The following ARID1A variants were observed in gnomAD, a reference collection of about 807,000 sequenced individuals.
The protein encoded by ARID1A is AT-rich interactive domain-containing protein 1A.
In ARID1A, 20 loss-of-function variants were observed where a neutral mutation model predicts 212.6. The ratio of observed to expected loss-of-function variants is 0.09; its 90% CI spans 0.07 to 0.14. The LOEUF (loss-of-function observed/expected upper bound fraction) is 0.14. Among genes scored for constraint, ARID1A ranks in the 10% least tolerant of loss-of-function variants. The pLI is 1.00. For missense variants in ARID1A, 2,587 were observed against 3,059.0 expected (o/e 0.85, Z 3.64); for synonymous variants, 1,376 against 1,222.1 (o/e 1.13, Z -2.63).
rs2124144943 is a variant in ARID1A at position 26,779,905 on chromosome 1, A to C, written c.6007A>C (p.Lys2003Gln). The C allele has an allele frequency of 6.2e-7, 1 of 1,614,140 alleles. No homozygotes were observed. The highest frequency in any genetic ancestry group is 8.5e-7 in the Non-Finnish European group (1 of 1,179,998). Residue 2003 changes from lysine (K) to glutamine (Q), a missense_variant, in exon 20 of 20, where the codon AAA becomes CAA. Coordinates refer to ENST00000324856, the MANE Select transcript of ARID1A (RefSeq NM_006015.6). ...GCCAGGCAATGACTTTGAGATGTCCAAACACCCAGGGCTGCTGCTCATCCT... is the reference window on the plus strand; with the variant it reads ...GCCAGGCAATGACTTTGAGATGTCCCAACACCCAGGGCTGCTGCTCATCCT... The part of the protein sequence containing the change: ...FVPGNDFEMS[K>Q]HPGLLLILGK...
Position 26,696,364 on chromosome 1 carries a change from G to C in ARID1A, c.-40G>C. 8.2e-7 allele frequency: 1 copy of C among 1,222,540 alleles called. No homozygotes were observed. Among genetic ancestry groups the C allele is most frequent in the Non-Finnish European group, 1.0e-6 (1 of 980,910 alleles). The allele number at this position is 1,222,540 out of a possible 1,614,324, so 75.7% of individuals were successfully genotyped here. ...GGGTGGGAGGGGGGGAGAAGACGAA[G>C]ACAGGGCCGGGTCTCTCCGCGGACG... On this transcript the variant is annotated 5_prime_UTR_variant, in exon 1 of 20. Transcript: ENST00000324856.
In ARID1A at chr1:26,780,364, A is replaced by G. The variant is rs1191962249; in HGVS notation, c.6466A>G (p.Ser2156Gly). The G allele has an allele frequency of 1.9e-6, 3 of 1,614,094 alleles. No individual in the cohort carries two copies. Among genetic ancestry groups the G allele is most frequent in the Non-Finnish European group, 2.5e-6 (3 of 1,180,026 alleles). Residue 2156 changes from serine (S) to glycine (G), a missense_variant, in exon 20 of 20, where the codon AGT becomes GGT. Around this residue, in one of 11 missense-constraint regions of ARID1A, gnomAD observed 168 missense variants for 321.0 expected, o/e 0.52. Transcript: ENST00000324856. The surrounding 1 kb of genome is among the most constrained non-coding windows in gnomAD (Gnocchi z 7.2). ...GTATAGCACTATGGTGCGCTTCCTC[A>G]GTGACCGAAAGAACCCGGTGTGCCG... is the stretch of plus-strand genomic sequence containing the variant. Reference protein sequence around the residue: ...KLYSTMVRFLSDRKNPVCREM... With the variant: ...KLYSTMVRFLGDRKNPVCREM...
chr1:26,720,041 A>G (rs1015713441), intron 1 of ARID1A, among the ~76,000 whole-genome samples: 1 of 150,950 alleles, frequency 6.6e-6, no homozygotes, highest in Non-Finnish European at 1.5e-5. Flanking sequence ...TCACGAGGTC[A>G]GGTGTTTGAG....
chr1:26,722,371 G>A (rs995607436), intron 1 of ARID1A, among the ~76,000 whole-genome samples: 3 of 152,058 alleles, frequency 2.0e-5, no homozygotes, highest in East Asian at 1.9e-4. Flanking sequence ...TCAGCCTCCC[G>A]AGTAGCTGGG....
chr1:26,696,353 GA>G lies in ARID1A; in HGVS notation c.-50del. 8.5e-7 allele frequency: 1 copy of G among 1,179,664 alleles called. No homozygotes were observed. The highest frequency in any genetic ancestry group is 1.1e-6 in the Non-Finnish European group (1 of 952,128). The allele number at this position is 1,179,664 out of a possible 1,614,324, so 73.1% of individuals were successfully genotyped here. ...GCCCCGGGGCGGGGTGGGAGGGGGG[GA>G]GAAGACGAAGACAGGGCCGGGTCTC... On this transcript the variant is annotated 5_prime_UTR_variant, in exon 1 of 20. Transcript: ENST00000324856.
At chr1:26,707,120 G>A (rs947166049) in intron 1 of ARID1A, among the ~76,000 whole-genome samples, 4 of 150,816 alleles carry the variant, frequency 2.7e-5, no homozygotes, top group Admixed American at 6.6e-5. Context: ...TGCAGTCTCC[G>A]CCTCCTGGGT....
rs772945531 is a variant in ARID1A at position 26,697,228 on chromosome 1, G to T, written c.825G>T (p.Gly275=). ...SFAQQRFGAM[G]GGGPSAAGGG... is the part of the protein sequence containing the mutation. ...CTCAGCAGCGCTTCGGGGCCATGGG[G>T]GGAGGCGGCCCCTCCGCGGCCGGCG... Residue 275 remains glycine (G), a synonymous_variant, in exon 1 of 20, where the codon GGG becomes GGT. Coordinates refer to ENST00000324856, the MANE Select transcript of ARID1A (RefSeq NM_006015.6). 5 of 1,379,054 alleles carry T rather than the reference G, an allele frequency of 3.6e-6. No homozygotes were observed. The African/African-American group carries it at 6.1e-5, about 17-fold the overall frequency. 85.4% of individuals were successfully genotyped at this position (1,379,054 alleles called of 1,614,324 possible).
chr1:26,713,335 G>T (rs1242063342), intron 1 of ARID1A, among the ~76,000 whole-genome samples: 1 of 151,508 alleles, frequency 6.6e-6, no homozygotes, highest in Non-Finnish European at 1.5e-5. Flanking sequence ...ACCAGTTTCA[G>T]ACTAACATCA....
chr1:26,748,890 C>T (rs1047185417), intron 4 of ARID1A, among the ~76,000 whole-genome samples: 8 of 151,880 alleles, frequency 5.3e-5, no homozygotes, highest in South Asian at 4.1e-4. Context: ...CTCGGCCAGG[C>T]GCAGTGGCTC....
intron 4 of ARID1A, among the ~76,000 whole-genome samples, chr1:26,743,251 T>C (rs915663585): frequency 1.3e-4 from 20 of 151,844 alleles, no homozygotes; most frequent in African/African-American, 3.9e-4. Context: ...TATACCTGTT[T>C]CTCTCTCTTT....
intron 1 of ARID1A, among the ~76,000 whole-genome samples, chr1:26,720,875 GAA>G (rs970063789): frequency 7.6e-6 from 1 of 132,060 alleles, no homozygotes. Flanking sequence ...TGTCTCAAAA[GAA>G]AAAAAAAAAA....
intron 4 of ARID1A, among the ~76,000 whole-genome samples, chr1:26,744,628 G>A (rs956570655): frequency 2.0e-5 from 3 of 152,140 alleles, no homozygotes; most frequent in Non-Finnish European, 4.4e-5. Flanking sequence ...TTTGTACCTG[G>A]AGCTTTTAAA....
rs751639614 is a variant in ARID1A at position 26,707,200 on chromosome 1, A to ATTTTT, written c.1137+9682_1137+9686dup. Among the ~76,000 whole-genome samples the ATTTTT allele has an allele frequency of 1.9e-4, 19 of 102,608 alleles. 1 individual carries two copies. Among genetic ancestry groups the ATTTTT allele is most frequent in the Non-Finnish European group, 3.1e-4 (15 of 48,208 alleles). 67.3% of individuals were successfully genotyped at this position (102,608 alleles called of 152,430 possible). On this transcript the variant is annotated intron_variant, in intron 1 of 19. Coordinates refer to ENST00000324856, the MANE Select transcript of ARID1A (RefSeq NM_006015.6). ...AGGCATGCGCCACCGCGGCTGGCTAATTTTTTTTTTTTTTTTTTTTTTTTT... is the reference window on the plus strand; with the variant it reads ...AGGCATGCGCCACCGCGGCTGGCTAATTTTTTTTTTTTTTTTTTTTTTTTTTTTTT...
chr1:26,697,420 TGCG>T lies in ARID1A; in HGVS notation c.1026_1028del (p.Ala349del), dbSNP rs1194384817. On this transcript the variant is annotated inframe_deletion, in exon 1 of 20. Coordinates refer to ENST00000324856, the MANE Select transcript of ARID1A (RefSeq NM_006015.6). ...ACATGGCCTCGCAGTGTTGGGGGGC[TGCG>T]GCGGCGGCAGCTGCGGCGGCGGCCG... 5.2e-6 allele frequency: 7 copies of T among 1,345,208 alleles called. No homozygotes were observed. In the South Asian group the frequency reaches 7.8e-5, roughly 15 times the overall value. The allele number at this position is 1,345,208 out of a possible 1,614,324, so 83.3% of individuals were successfully genotyped here.
At chr1:26,704,111 C>G (rs1219752023) in intron 1 of ARID1A, among the ~76,000 whole-genome samples, 2 of 152,170 alleles carry the variant, frequency 1.3e-5, no homozygotes, top group African/African-American at 4.8e-5. Context: ...CATCCATCTC[C>G]AGACCAGTAG....
In ARID1A at chr1:26,761,014, A is replaced by T. The variant is rs2124055970; in HGVS notation, c.2079A>T (p.Arg693=). The T allele has an allele frequency of 6.2e-7, 1 of 1,613,912 alleles. No homozygotes were observed. The highest frequency in any genetic ancestry group is 1.3e-5 in the African/African-American group (1 of 74,968). The change falls in exon 5 of 20, where the codon CGA becomes CGT. Residue 693 remains arginine (R), a synonymous_variant. Transcript: ENST00000324856. The stretch of plus-strand genomic sequence containing the variant: ...CCTCCCCTCACCTGCCTGGCATCCG[A>T]GGCCCTTCCCCGTCCCCTGTTGGCT... ...PHTSPHLPGI[R]GPSPSPVGSP... is the part of the protein sequence containing the mutation.
chr1:26,698,546 G>T (rs2080301920), intron 1 of ARID1A, among the ~76,000 whole-genome samples: 1 of 152,230 alleles, frequency 6.6e-6, no homozygotes, highest in South Asian at 2.1e-4. Flanking sequence ...AAAAGAGGAG[G>T]CAATGGCATT....
In ARID1A at chr1:26,779,997, G is replaced by A. The variant is rs2081176171; in HGVS notation, c.6099G>A (p.Lys2033=). ...AGCAGGCACCACTAACTTATGAAAA[G>A]GAGGAGGAACAGGACCAAGGGGTGA... ...ERKQAPLTYE[K]EEEQDQGVSC... The change falls in exon 20 of 20, where the codon AAG becomes AAA. Residue 2033 remains lysine, a synonymous_variant. Transcript: ENST00000324856. 6.2e-7 allele frequency: 1 copy of A among 1,614,172 alleles called. No homozygotes were observed. The highest frequency in any genetic ancestry group is 8.5e-7 in the Non-Finnish European group (1 of 1,180,016).
Position 26,778,923 on chromosome 1 carries a change from C to T in ARID1A, c.5125-100C>T. The T allele has an allele frequency of 4.1e-6, 5 of 1,228,306 alleles. No individual in the cohort carries two copies. In the South Asian group the frequency reaches 9.5e-5, roughly 23 times the overall value. 76.1% of individuals were successfully genotyped at this position (1,228,306 alleles called of 1,614,324 possible). On this transcript the variant is annotated intron_variant, in intron 19 of 19. Transcript: ENST00000324856. ...TGGGAAAGGAGCAACTCTGCCTCTC[C>T]CAACTGATACAGAAGACTTGGGGAG...
Sources: gnomAD v4.1 joint callset for allele counts (sites outside exome capture counted in the v4.1 genomes callset) on GRCh38, gnomAD v4.1.1 for gene constraint, gnomAD v4.1.1 regional missense constraint, Gnocchi (gnomAD v3.1) non-coding constraint, MANE v1.5 for transcripts, NCBI Gene and HGNC (gene_info 2026-07-23, HGNC 2026-07-21) for gene names.